MYT1L: variants seen among roughly 807,000 people sequenced by gnomAD.
MYT1L encodes the protein myelin transcription factor 1 like, also known as myelin transcription factor 1-like protein.
MYT1L carries 12 observed loss-of-function variants against 126.7 expected under a neutral mutation model. The observed-to-expected ratio is 0.09, with a 90% CI of 0.06 to 0.15. The LOEUF (loss-of-function observed/expected upper bound fraction) is 0.15, where lower values mean the gene tolerates loss of function less well. Ranked by LOEUF, MYT1L falls within the 10% of genes least tolerant of loss-of-function variation. The pLI is 1.00. For missense variants in MYT1L, 979 were observed against 1,585.2 expected (o/e 0.62, Z 6.49); for synonymous variants, 541 against 604.2 (o/e 0.90, Z 1.53).
intron 16 of MYT1L, among the ~76,000 whole-genome samples, chr2:1,888,611 A>G (rs1558284221): frequency 6.6e-6 from 1 of 152,056 alleles, no homozygotes; most frequent in Non-Finnish European, 1.5e-5. Flanking sequence ...TAAAGAAAAC[A>G]TTTTTCTTTA....
intron 4 of MYT1L, among the ~76,000 whole-genome samples, chr2:2,001,523 A>G (rs527425936): frequency 6.6e-6 from 1 of 152,346 alleles, no homozygotes; most frequent in Admixed American, 6.5e-5. Flanking sequence ...AAATAAAGGA[A>G]GAAAGAAGTG....
chr2:1,792,348 G>A lies in MYT1L; in HGVS notation c.3393C>T (p.Ser1131=). 6.2e-7 allele frequency: 1 copy of A among 1,607,274 alleles called. No individual in the cohort carries two copies. Among genetic ancestry groups the A allele is most frequent in the Non-Finnish European group, 8.5e-7 (1 of 1,176,906 alleles). ...LANLSQSLIH[S]LANIQLPHMD... ...TGTGCGGCAGCTGGATGTTAGCCAGGCTGTGGATCAGAGACTGGCTCAGGT... is the reference window on the plus strand; with the variant it reads ...TGTGCGGCAGCTGGATGTTAGCCAGACTGTGGATCAGAGACTGGCTCAGGT... Residue 1131 remains serine, a synonymous_variant, in exon 24 of 25, where the codon AGC becomes AGT. Coordinates refer to ENST00000647738, the MANE Select transcript of MYT1L (RefSeq NM_001303052.2).
intron 8 of MYT1L, among the ~76,000 whole-genome samples, chr2:1,968,481 G>A (rs1037352316): frequency 6.6e-6 from 1 of 152,202 alleles, no homozygotes; most frequent in Admixed American, 6.5e-5. Flanking sequence ...TGTGTCTGGC[G>A]ATGTCAAGTA....
At chr2:2,189,160 T>C (rs188624695) in intron 2 of MYT1L, among the ~76,000 whole-genome samples, 53 of 152,340 alleles carry the variant, frequency 3.5e-4, no homozygotes, top group South Asian at 3.1e-3. Context: ...AGCTTCTGAT[T>C]GCGTTTGGGG....
chr2:2,071,224 T>A (rs903917697), intron 3 of MYT1L, among the ~76,000 whole-genome samples: 3 of 152,218 alleles, frequency 2.0e-5, no homozygotes, highest in African/African-American at 7.2e-5. Context: ...AGAAATGTAG[T>A]TCTATTACCT....
At chr2:2,054,729 C>A (rs1441595324) in intron 3 of MYT1L, among the ~76,000 whole-genome samples, 2 of 143,554 alleles carry the variant, frequency 1.4e-5, no homozygotes, top group Non-Finnish European at 3.0e-5. Context: ...ATGGAGATGA[C>A]AAGACACATC....
At chr2:1,829,288 C>A (rs74169681) in intron 21 of MYT1L, among the ~76,000 whole-genome samples, 42,143 of 131,424 alleles carry the variant, frequency 0.32, 4,547 homozygotes, top group East Asian at 0.52. Context: ...CTCCCATACA[C>A]CTGTGAACTG....
chr2:1,960,817 A>G (rs1240992735), intron 8 of MYT1L, among the ~76,000 whole-genome samples: 1 of 145,632 alleles, frequency 6.9e-6, no homozygotes, highest in Non-Finnish European at 1.5e-5. Context: ...CTTGCATGTC[A>G]CCTGCAGCTC....
chr2:2,198,651 G>A (rs1373589199), intron 2 of MYT1L, among the ~76,000 whole-genome samples: 2 of 151,988 alleles, frequency 1.3e-5, no homozygotes, highest in Non-Finnish European at 2.9e-5. Context: ...AAGGTCAGGA[G>A]CTTGAGATCA....
At chr2:2,195,721 T>A (rs2092769338) in intron 2 of MYT1L, among the ~76,000 whole-genome samples, 1 of 152,098 alleles carries the variant, frequency 6.6e-6, no homozygotes. Flanking sequence ...AAAAACCAAG[T>A]GGAAATTTTA....
At chr2:2,145,897 C>CA (rs1272893359) in intron 3 of MYT1L, among the ~76,000 whole-genome samples, 1 of 152,066 alleles carries the variant, frequency 6.6e-6, no homozygotes, top group Non-Finnish European at 1.5e-5. Context: ...ATGATTGTTT[C>CA]AAAAAAATGA....
chr2:2,018,532 T>G (rs1372470261), intron 4 of MYT1L, among the ~76,000 whole-genome samples: 1 of 152,214 alleles, frequency 6.6e-6, no homozygotes, highest in Non-Finnish European at 1.5e-5. Context: ...GAGGGAATCT[T>G]GAAGACATTG....
At chr2:2,085,568 C>T (rs2076273791) in intron 3 of MYT1L, among the ~76,000 whole-genome samples, 1 of 152,144 alleles carries the variant, frequency 6.6e-6, no homozygotes, top group Non-Finnish European at 1.5e-5. Flanking sequence ...TGCCATTTGT[C>T]ACGGTTGTTT....
chr2:1,966,880 G>A (rs1389022241), intron 8 of MYT1L, among the ~76,000 whole-genome samples: 2 of 152,036 alleles, frequency 1.3e-5, no homozygotes, highest in Non-Finnish European at 1.5e-5. Context: ...GAAAAATCTA[G>A]CAGTGGTTAC....
At chr2:2,329,397 T>G (rs1258780434) in intron 1 of MYT1L, among the ~76,000 whole-genome samples, 2 of 152,116 alleles carry the variant, frequency 1.3e-5, no homozygotes, top group African/African-American at 4.8e-5. Context: ...GAAGACTATA[T>G]GTACAGATCA....
At chr2:2,184,955 G>A (rs2091959733) in intron 2 of MYT1L, among the ~76,000 whole-genome samples, 2 of 152,126 alleles carry the variant, frequency 1.3e-5, no homozygotes, top group South Asian at 4.1e-4. Flanking sequence ...GGTAAGCTTC[G>A]CCACCTCTCT....
At chr2:2,274,632 G>A (rs914555944) in intron 2 of MYT1L, among the ~76,000 whole-genome samples, 1 of 152,194 alleles carries the variant, frequency 6.6e-6, no homozygotes, top group African/African-American at 2.4e-5. Context: ...AAGGTATAGT[G>A]TACTTAAAAC....
intron 18 of MYT1L, among the ~76,000 whole-genome samples, chr2:1,875,177 ACTGACTGAGCATAGAGCTG>A (rs1484873295): frequency 3.7e-4 from 57 of 152,328 alleles, no homozygotes; most frequent in African/African-American, 1.3e-3. Context: ...GGCGGAAGAT[ACTGACTGAGCATAGAGCTG>A]CCGGGGTGAG....
At chr2:2,132,807 C>T (rs189375696) in intron 3 of MYT1L, among the ~76,000 whole-genome samples, 50 of 152,062 alleles carry the variant, frequency 3.3e-4, no homozygotes, top group Non-Finnish European at 5.4e-4. Context: ...ACTAAGTCTA[C>T]AGAAATATAT....
Sources: gnomAD v4.1 joint callset for allele counts (sites outside exome capture counted in the v4.1 genomes callset) on GRCh38, gnomAD v4.1.1 for gene constraint, MANE v1.5 for transcripts, NCBI Gene and HGNC (gene_info 2026-07-23, HGNC 2026-07-21) for gene names.